Variants in ARHGEF10 observed in about 807,000 individuals in gnomAD.
ARHGEF10 encodes the protein Rho guanine nucleotide exchange factor (GEF) 10.
In ARHGEF10, 140 loss-of-function variants were observed where a neutral mutation model predicts 147.4. The observed-to-expected ratio is 0.95, with a 90% CI of 0.83 to 1.09. The LOEUF is 1.09. ARHGEF10 is among the 50% of genes least tolerant of loss of function. ARHGEF10 has a pLI of 0.00. For synonymous variants in ARHGEF10, 902 were observed against 695.8 expected (o/e 1.30, Z -4.67); for missense variants, 2,222 against 1,752.7 (o/e 1.27, Z -4.78).
intron 5 of ARHGEF10, among the ~76,000 whole-genome samples, chr8:1,866,020 T>G (rs1806577237): frequency 6.6e-6 from 1 of 152,204 alleles, no homozygotes; most frequent in Non-Finnish European, 1.5e-5. Context: ...GACACCGCAG[T>G]CCCTGTGTGT....
intron 1 of ARHGEF10, among the ~76,000 whole-genome samples, chr8:1,832,929 GGCAGAGACAGAAGC>G (rs1803287674): frequency 8.8e-6 from 1 of 113,792 alleles, no homozygotes; most frequent in Non-Finnish European, 1.9e-5. Context: ...CAGAGACAGA[GGCAGAGACAGAAGC>G]AGAGACAGAG....
At chr8:1,955,570 G>A (rs1025306633) in intron 28 of ARHGEF10, among the ~76,000 whole-genome samples, 1 of 149,148 alleles carries the variant, frequency 6.7e-6, no homozygotes, top group East Asian at 2.0e-4. Flanking sequence ...TGGATGGGTA[G>A]CTAGGTGCAT....
chr8:1,853,986 G>C (rs1293253747), intron 2 of ARHGEF10, among the ~76,000 whole-genome samples: 1 of 152,228 alleles, frequency 6.6e-6, no homozygotes, highest in Non-Finnish European at 1.5e-5. Flanking sequence ...CCAGCAGACT[G>C]GGGGTGAGGA....
chr8:1,927,985 C>T (rs1246467896), intron 23 of ARHGEF10, among the ~76,000 whole-genome samples: 1 of 152,164 alleles, frequency 6.6e-6, no homozygotes, highest in African/African-American at 2.4e-5. Context: ...CACATGTTGA[C>T]TTCCAATGAG....
intron 1 of ARHGEF10, among the ~76,000 whole-genome samples, chr8:1,824,782 C>T (rs1293990017): frequency 1.2e-5 from 1 of 80,206 alleles, no homozygotes; most frequent in South Asian, 6.0e-4. Context: ...ATTCTGCACC[C>T]CACCTGTCCC....
In ARHGEF10 at chr8:1,926,421, A is replaced by G. The variant is rs1355438357; in HGVS notation, c.2655A>G (p.Glu885=). The G allele has an allele frequency of 3.1e-6, 5 of 1,614,184 alleles. No individual in the cohort carries two copies. Among genetic ancestry groups the G allele is most frequent in the South Asian group, 2.2e-5 (2 of 91,080 alleles). Residue 885 remains glutamate (E), a synonymous_variant, in exon 23 of 29, where the codon GAA becomes GAG. Transcript: ENST00000349830. ...ACCCTGAACCTTACCTAAATAATGA[A>G]AGCCAGCCAGATTCATTTTCCACGG... is the stretch of plus-strand genomic sequence containing the variant. ...AYNPEPYLNN[E]SQPDSFSTAH... is the part of the protein sequence containing the mutation.
chr8:1,876,167 T>C, intron 7 of ARHGEF10: 1 of 270,580 alleles, frequency 3.7e-6, no homozygotes, highest in South Asian at 4.7e-5. Flanking sequence ...TCGACATGCC[T>C]ATCATCTGTC....
In ARHGEF10 at chr8:1,937,655, G is replaced by A. The variant is rs185801787; in HGVS notation, c.3222+3713G>A. On this transcript the variant is annotated intron_variant, in intron 26 of 28. Transcript: ENST00000349830. This position sits in a 1 kb window ranked among gnomAD's most constrained non-coding sequence, Gnocchi z 4.9. ...GTCGTTCCCGTTGTGCAGGGGAACTGTGGCCAGGGGCTGGGGCAGCCCACA... is the reference window on the plus strand; with the variant it reads ...GTCGTTCCCGTTGTGCAGGGGAACTATGGCCAGGGGCTGGGGCAGCCCACA... Among the ~76,000 whole-genome samples the A allele has an allele frequency of 9.2e-5, 14 of 152,360 alleles. No individual in the cohort carries two copies. The East Asian group carries it at 1.5e-3, about 17-fold the overall frequency.
At chr8:1,942,459 A>G (rs1040201328) in intron 26 of ARHGEF10, among the ~76,000 whole-genome samples, 2 of 151,910 alleles carry the variant, frequency 1.3e-5, no homozygotes, top group Non-Finnish European at 2.9e-5. Context: ...TGGAGCCAGC[A>G]CGCACTGCAG....
chr8:1,955,499 C>A (rs191855548), intron 28 of ARHGEF10, among the ~76,000 whole-genome samples: 86 of 148,400 alleles, frequency 5.8e-4, no homozygotes, highest in Admixed American at 8.7e-4. Context: ...TGCACTCTCA[C>A]TGTTTCTCTG....
rs1176614551 is a variant in ARHGEF10, at chr8:1,923,787, A to G, written c.2401A>G (p.Thr801Ala). 2 of 1,614,078 alleles carry G rather than the reference A, an allele frequency of 1.2e-6. No individual in the cohort carries two copies. The highest frequency in any genetic ancestry group is 1.3e-5 in the African/African-American group (1 of 74,922). The stretch of plus-strand genomic sequence containing the variant: ...TGTTTCTGGCAGATCTGGGCGACCG[A>G]CGTTCTTTACAGCTGTGTTCAATAC... ...PGKQDKSGRP[T>A]FFTAVFNTFT... Residue 801 changes from threonine to alanine, a missense_variant, in exon 21 of 29, where the codon ACG becomes GCG. By Grantham distance (58) the Thr-to-Ala change is moderately conservative. Transcript: ENST00000349830.
At position 1,905,670 on chromosome 8, in the gene ARHGEF10, G is replaced by A; in HGVS notation, c.1921G>A (p.Val641Ile). 10 of 1,614,198 alleles carry A rather than the reference G, an allele frequency of 6.2e-6. No individual in the cohort carries two copies. The highest frequency in any genetic ancestry group is 8.5e-6 in the Non-Finnish European group (10 of 1,180,042). Residue 641 changes from valine (V) to isoleucine (I), a missense_variant, in exon 17 of 29, where the codon GTC becomes ATC. By Grantham distance (29) the Val-to-Ile change is conservative. Coordinates refer to ENST00000349830, the MANE Select transcript of ARHGEF10 (RefSeq NM_014629.4). The part of the protein sequence containing the change: ...GEIVKTKERR[V>I]FMLNDVLMCA... ...GATTGTTAAAACCAAAGAACGCCGA[G>A]TCTTCATGTTAAATGATGTGTTAAT...
At chr8:1,946,366 G>A (rs1010996877) in intron 27 of ARHGEF10, among the ~76,000 whole-genome samples, 3 of 152,214 alleles carry the variant, frequency 2.0e-5, no homozygotes, top group Non-Finnish European at 2.9e-5. Context: ...TGTGACACAC[G>A]CCACAGACGG....
At chr8:1,904,685 C>G (rs1433056128) in intron 16 of ARHGEF10, among the ~76,000 whole-genome samples, 1 of 152,184 alleles carries the variant, frequency 6.6e-6, no homozygotes, top group African/African-American at 2.4e-5. Context: ...CATGCCTCAT[C>G]GTTCCCGTGC....
intron 13 of ARHGEF10, among the ~76,000 whole-genome samples, chr8:1,895,670 T>C (rs144190967): frequency 6.6e-6 from 1 of 152,298 alleles, no homozygotes; most frequent in East Asian, 1.9e-4. Context: ...TTTAAAGAAA[T>C]AGAATTTTGA....
At chr8:1,953,158 A>C (rs1013979048) in intron 28 of ARHGEF10, among the ~76,000 whole-genome samples, 1 of 146,644 alleles carries the variant, frequency 6.8e-6, no homozygotes, top group African/African-American at 2.7e-5. Flanking sequence ...TTATATTGTG[A>C]AGAAGGAAGC....
intron 18 of ARHGEF10, among the ~76,000 whole-genome samples, chr8:1,918,460 CTG>C (rs60519090): frequency 0.096 from 13,454 of 140,712 alleles, 593 homozygotes; most frequent in East Asian, 0.2. Flanking sequence ...CATTTGATGG[CTG>C]TGTGTGTGTG....
intron 1 of ARHGEF10, among the ~76,000 whole-genome samples, chr8:1,827,049 C>T (rs1386252556): frequency 1.3e-5 from 2 of 152,216 alleles, no homozygotes; most frequent in Non-Finnish European, 2.9e-5. Flanking sequence ...GGCCGGTGAC[C>T]AGCAGGGGTC....
At chr8:1,884,011 C>T (rs934447599) in intron 10 of ARHGEF10, among the ~76,000 whole-genome samples, 21 of 152,078 alleles carry the variant, frequency 1.4e-4, no homozygotes, top group Admixed American at 7.9e-4. Context: ...CTGAGAAGCC[C>T]GGAGTCAGCC....
Sources: gnomAD v4.1 joint callset for allele counts (sites outside exome capture counted in the v4.1 genomes callset) on GRCh38, gnomAD v4.1.1 for gene constraint, Gnocchi (gnomAD v3.1) non-coding constraint, MANE v1.5 for transcripts, NCBI Gene and HGNC (gene_info 2026-07-23, HGNC 2026-07-21) for gene names.